CREBRF: variants seen among roughly 807,000 people sequenced by gnomAD.
The protein encoded by CREBRF is CREB3 regulatory factor.
A neutral mutation model predicts 66.1 loss-of-function variants in CREBRF; 5 were observed. That is an observed-to-expected ratio of 0.08 (90% CI 0.04 to 0.16). The LOEUF (loss-of-function observed/expected upper bound fraction) is 0.16, where lower values mean the gene tolerates loss of function less well. CREBRF is among the 10% of genes least tolerant of loss of function. The pLI is 1.00. For synonymous variants in CREBRF, 229 were observed against 264.4 expected, an observed-to-expected ratio of 0.87 and a Z score of 1.30; for missense variants, 531 against 744.9, an observed-to-expected ratio of 0.71 and a Z score of 3.34.
intron 4 of CREBRF, among the ~76,000 whole-genome samples, chr5:173,092,520 CTTTAAA>C (rs1175542813): frequency 1.3e-5 from 2 of 152,060 alleles, no homozygotes; most frequent in Non-Finnish European, 2.9e-5. Flanking sequence ...AAGTAAAGAT[CTTTAAA>C]TTTAAACTAA....
intron 4 of CREBRF, among the ~76,000 whole-genome samples, chr5:173,100,708 G>A (rs549946281): frequency 6.6e-6 from 1 of 152,230 alleles, no homozygotes. Flanking sequence ...ACAGGCGTGA[G>A]CCACACCGCT....
At chr5:173,105,988 A>G (rs1758739449) in intron 4 of CREBRF, among the ~76,000 whole-genome samples, 2 of 152,216 alleles carry the variant, frequency 1.3e-5, no homozygotes, top group Admixed American at 1.3e-4. Flanking sequence ...AACTAGGTTG[A>G]TAACTAGAAC....
rs1305322081 is a variant in CREBRF, at chr5:173,135,114, C to CT, written c.*1370dup. 3 of 152,138 alleles carry CT rather than the reference C, an allele frequency of 2.0e-5. No homozygotes were observed. Among genetic ancestry groups the CT allele is most frequent in the Non-Finnish European group, 4.4e-5 (3 of 67,856 alleles). 9.4% of individuals were successfully genotyped at this position (152,138 alleles called of 1,614,324 possible). On this transcript the variant is annotated 3_prime_UTR_variant, in exon 9 of 9. Coordinates refer to ENST00000296953, the MANE Select transcript of CREBRF (RefSeq NM_153607.3). ...AAAGAAAGAAAAAAGCTAAAAATAT[C>CT]TAATTCTTTAGTTGCCACTTTTCCG...
At position 173,091,019 on chromosome 5, in the gene CREBRF, G is replaced by T; in HGVS notation, c.840G>T (p.Glu280Asp). 1 of 1,614,158 alleles carries T rather than the reference G, an allele frequency of 6.2e-7. No homozygotes were observed. The highest frequency in any genetic ancestry group is 8.5e-7 in the Non-Finnish European group (1 of 1,180,032). Residue 280 changes from glutamate to aspartate, a missense_variant, in exon 4 of 9, where the codon GAG becomes GAT. Coordinates refer to ENST00000296953, the MANE Select transcript of CREBRF (RefSeq NM_153607.3). ...VAKRQEKKGMEPLQGHATPAL... is the reference protein window; with the variant it reads ...VAKRQEKKGMDPLQGHATPAL... Reference sequence around the variant, plus strand: ...AGAGACAAGAGAAAAAAGGGATGGAGCCTCTTCAAGGTCATGCCACTCCCG... The same window carrying T: ...AGAGACAAGAGAAAAAAGGGATGGATCCTCTTCAAGGTCATGCCACTCCCG...
chr5:173,133,368 C>T (rs1759518719), intron 8 of CREBRF, among the ~76,000 whole-genome samples: 1 of 152,184 alleles, frequency 6.6e-6, no homozygotes, highest in Admixed American at 6.5e-5. Flanking sequence ...GACTGTTACA[C>T]TTGTCATCTA....
chr5:173,081,005 G>T (rs1757923745), intron 2 of CREBRF, among the ~76,000 whole-genome samples: 1 of 152,156 alleles, frequency 6.6e-6, no homozygotes, highest in South Asian at 2.1e-4. Flanking sequence ...TAGGTAGTAT[G>T]ATAAATAGGT....
At chr5:173,066,744 G>C (rs1757445944) in intron 1 of CREBRF, among the ~76,000 whole-genome samples, 1 of 146,838 alleles carries the variant, frequency 6.8e-6, no homozygotes. Context: ...TGTCTTTTGA[G>C]TCTGACTTCT....
chr5:173,100,078 T>TTTTGTGTG (rs1554125224), intron 4 of CREBRF, among the ~76,000 whole-genome samples: 1 of 69,132 alleles, frequency 1.4e-5, no homozygotes, highest in East Asian at 3.4e-4. Context: ...GGCTAATCTT[T>TTTTGTGTG]TGTGTGTGTG....
intron 1 of CREBRF, among the ~76,000 whole-genome samples, chr5:173,058,707 G>A (rs1425051931): frequency 2.7e-5 from 4 of 148,280 alleles, no homozygotes; most frequent in Admixed American, 6.8e-5. Context: ...GGACGGTCTC[G>A]ATCTCCTGAC....
chr5:173,099,700 T>C (rs1472684328), intron 4 of CREBRF, among the ~76,000 whole-genome samples: 1 of 152,090 alleles, frequency 6.6e-6, no homozygotes, highest in Non-Finnish European at 1.5e-5. Context: ...TTCTTTATCT[T>C]TTGTGTTATC....
At chr5:173,096,159 C>T (rs1758471392) in intron 4 of CREBRF, among the ~76,000 whole-genome samples, 1 of 151,918 alleles carries the variant, frequency 6.6e-6, no homozygotes, top group Non-Finnish European at 1.5e-5. Flanking sequence ...TTAGTAGAGG[C>T]GGGGTTTCAC....
intron 1 of CREBRF, among the ~76,000 whole-genome samples, chr5:173,076,146 T>C (rs1158460480): frequency 1.3e-5 from 2 of 151,232 alleles, no homozygotes; most frequent in East Asian, 1.9e-4. Flanking sequence ...TCCAAGAACA[T>C]GACACTGGCA....
chr5:173,112,387 T>C lies in CREBRF; in HGVS notation c.1681+8T>C. On this transcript the variant is annotated splice_region_variant and intron_variant, in intron 7 of 8. Transcript: ENST00000296953. Reference sequence around the variant, plus strand: ...GCCTCAACACAGAATATGGTAAACCTAAAGTTTTAAGAAGTTGATTAACCA... The same window carrying C: ...GCCTCAACACAGAATATGGTAAACCCAAAGTTTTAAGAAGTTGATTAACCA... The C allele has an allele frequency of 6.4e-7, 1 of 1,554,516 alleles. No homozygotes were observed.
At chr5:173,091,751 A>G (rs1456528529) in intron 4 of CREBRF, 1 of 1,003,948 alleles carries the variant, frequency 1.0e-6, no homozygotes, top group African/African-American at 1.7e-5. Flanking sequence ...TCTCTTGAGC[A>G]TTTATGCAAA....
At chr5:173,067,161 C>A (rs758096153) in intron 1 of CREBRF, among the ~76,000 whole-genome samples, 2 of 152,130 alleles carry the variant, frequency 1.3e-5, no homozygotes, top group African/African-American at 2.4e-5. Flanking sequence ...GGACATACCA[C>A]AATTTATCTG....
In CREBRF at chr5:173,135,263, G is replaced by A. The variant is rs1759559473; in HGVS notation, c.*1518G>A. The A allele has an allele frequency of 6.6e-6, 1 of 152,362 alleles. No homozygotes were observed. Among genetic ancestry groups the A allele is most frequent in the Non-Finnish European group, 1.5e-5 (1 of 67,916 alleles). The allele number at this position is 152,362 out of a possible 1,614,324, so 9.4% of individuals were successfully genotyped here. ...ACTAGCTTCTTCAAACTTAACATGTGACTTATTCTTCTATAGTTTCTAGAA... is the reference window on the plus strand; with the variant it reads ...ACTAGCTTCTTCAAACTTAACATGTAACTTATTCTTCTATAGTTTCTAGAA... On this transcript the variant is annotated 3_prime_UTR_variant, in exon 9 of 9. Coordinates refer to ENST00000296953, the MANE Select transcript of CREBRF (RefSeq NM_153607.3).
chr5:173,110,798 G>T, intron 6 of CREBRF, 87 bp downstream of exon 6: 5 of 895,160 alleles, frequency 5.6e-6, no homozygotes, highest in Non-Finnish European at 8.4e-6. Flanking sequence ...GGACAACAAA[G>T]AAATTGTATT....
At chr5:173,057,876 T>C (rs1757124571) in intron 1 of CREBRF, among the ~76,000 whole-genome samples, 1 of 151,678 alleles carries the variant, frequency 6.6e-6, no homozygotes, top group Admixed American at 6.6e-5. Context: ...GTCCTAGTCT[T>C]AGTAGTAATT....
intron 4 of CREBRF, among the ~76,000 whole-genome samples, chr5:173,093,197 T>C (rs1487348572): frequency 2.6e-5 from 4 of 152,094 alleles, no homozygotes; most frequent in African/African-American, 9.7e-5. Flanking sequence ...GAAATGCCTT[T>C]AGCAGCTGGT....
Sources: gnomAD v4.1 joint callset for allele counts (sites outside exome capture counted in the v4.1 genomes callset) on GRCh38, gnomAD v4.1.1 for gene constraint, MANE v1.5 for transcripts, NCBI Gene and HGNC (gene_info 2026-07-23, HGNC 2026-07-21) for gene names.